The following CCDC192 variants were observed in gnomAD, a reference collection of about 807,000 sequenced individuals.
CCDC192 encodes the protein coiled-coil domain-containing protein 192.
At chr5:127,744,190 C>A (rs1753608123) in intron 2 of CCDC192, among the ~76,000 whole-genome samples, 1 of 150,344 alleles carries the variant, frequency 6.7e-6, no homozygotes, top group South Asian at 2.1e-4. Flanking sequence ...GATGTGAATT[C>A]TGATCATGAA....
At chr5:127,751,627 C>T (rs1055781244) in intron 2 of CCDC192, among the ~76,000 whole-genome samples, 9 of 152,060 alleles carry the variant, frequency 5.9e-5, no homozygotes, top group Non-Finnish European at 5.9e-5. Context: ...ATCTTTGTGG[C>T]GTTCTCTATA....
At chr5:127,874,635 T>G (rs998470842) in intron 5 of CCDC192, among the ~76,000 whole-genome samples, 2 of 152,190 alleles carry the variant, frequency 1.3e-5, no homozygotes, top group Admixed American at 1.3e-4. Flanking sequence ...ATCTCAAGAT[T>G]TATGTCTGAT....
chr5:127,885,294 C>T (rs1272626983), intron 6 of CCDC192, among the ~76,000 whole-genome samples: 1 of 152,154 alleles, frequency 6.6e-6, no homozygotes, highest in African/African-American at 2.4e-5. Flanking sequence ...GGGAATGCTG[C>T]TAAATAGCTC....
intron 5 of CCDC192, among the ~76,000 whole-genome samples, chr5:127,844,426 A>C (rs1191402373): frequency 1.3e-5 from 2 of 152,212 alleles, no homozygotes; most frequent in Non-Finnish European, 2.9e-5. Context: ...AAAGACTACA[A>C]AGCCAACCAT....
At chr5:127,778,072 A>G (rs1755973476) in intron 3 of CCDC192, among the ~76,000 whole-genome samples, 1 of 152,152 alleles carries the variant, frequency 6.6e-6, no homozygotes. Flanking sequence ...ATTTTCAAAT[A>G]CAGATAGGTG....
chr5:127,708,772 T>G (rs1304978584), intron 2 of CCDC192, among the ~76,000 whole-genome samples: 3 of 152,148 alleles, frequency 2.0e-5, no homozygotes, highest in Non-Finnish European at 2.9e-5. Context: ...GGAGCATGGT[T>G]ATTCGGAATT....
chr5:127,866,123 T>A (rs963401832), intron 5 of CCDC192, among the ~76,000 whole-genome samples: 8 of 152,048 alleles, frequency 5.3e-5, no homozygotes, highest in African/African-American at 1.9e-4. Context: ...CCATTTAGCA[T>A]CAGTTCTGCA....
chr5:127,877,165 G>A (rs1276602343), intron 6 of CCDC192, among the ~76,000 whole-genome samples: 4 of 151,996 alleles, frequency 2.6e-5, no homozygotes, highest in African/African-American at 9.7e-5. Context: ...ATAATCGCAA[G>A]GTCTCTAATT....
intron 5 of CCDC192, among the ~76,000 whole-genome samples, chr5:127,809,235 A>G (rs1315537658): frequency 1.3e-5 from 2 of 152,156 alleles, no homozygotes; most frequent in Non-Finnish European, 2.9e-5. Context: ...AATGTGTGAA[A>G]TAGTTGTATT....
At chr5:127,870,519 T>C (rs1431531789) in intron 5 of CCDC192, among the ~76,000 whole-genome samples, 1 of 152,254 alleles carries the variant, frequency 6.6e-6, no homozygotes, top group African/African-American at 2.4e-5. Context: ...CATTTAGCTG[T>C]CTACTCACTA....
At chr5:127,709,040 T>G (rs917300821) in intron 2 of CCDC192, among the ~76,000 whole-genome samples, 1 of 150,842 alleles carries the variant, frequency 6.6e-6, no homozygotes, top group African/African-American at 2.4e-5. Context: ...TGGGGAGGCC[T>G]TAGGAAGGTT....
Position 127,719,554 on chromosome 5 carries a change from T to TACACACAC in CCDC192, c.114+11795_114+11796insCACACACA, listed in dbSNP as rs1561445073. Among the ~76,000 whole-genome samples, 58 of 36,510 alleles carry TACACACAC rather than the reference T, an allele frequency of 1.6e-3. 1 individual carries two copies. Among genetic ancestry groups the TACACACAC allele is most frequent in the African/African-American group, 3.6e-3 (33 of 9,122 alleles). The allele number at this position is 36,510 out of a possible 152,430, so 24.0% of individuals were successfully genotyped here. On this transcript the variant is annotated intron_variant, in intron 2 of 6. Coordinates refer to ENST00000514853, the MANE Select transcript of CCDC192 (RefSeq NM_001317938.2). ...ACATACATATATATATATATATATA[T>TACACACAC]ATATACACACATACATATATATATA...
intron 5 of CCDC192, among the ~76,000 whole-genome samples, chr5:127,823,801 A>G (rs1326554450): frequency 6.6e-6 from 1 of 152,190 alleles, no homozygotes; most frequent in Non-Finnish European, 1.5e-5. Flanking sequence ...CGTGTTTCAG[A>G]AGTGTTATTA....
At chr5:127,882,582 A>G (rs554265108) in intron 6 of CCDC192, among the ~76,000 whole-genome samples, 1 of 152,200 alleles carries the variant, frequency 6.6e-6, no homozygotes, top group Non-Finnish European at 1.5e-5. Flanking sequence ...TACACTTTAA[A>G]ACGGTTAACG....
chr5:127,816,206 A>G (rs1183455575), intron 5 of CCDC192, among the ~76,000 whole-genome samples: 1 of 152,194 alleles, frequency 6.6e-6, no homozygotes, highest in Non-Finnish European at 1.5e-5. Flanking sequence ...GTGGATAAAT[A>G]TTTTATAATT....
chr5:127,914,980 T>C (rs2681507), intron 6 of CCDC192, among the ~76,000 whole-genome samples: 6,220 of 152,284 alleles, frequency 0.041, 399 homozygotes, highest in African/African-American at 0.14. Flanking sequence ...ATAGGACTTA[T>C]GTGTCATTCA....
At chr5:127,818,665 C>G (rs995773767) in intron 5 of CCDC192, among the ~76,000 whole-genome samples, 2 of 152,070 alleles carry the variant, frequency 1.3e-5, no homozygotes, top group Non-Finnish European at 2.9e-5. Flanking sequence ...AAGAAGCCAT[C>G]AGGTATGCCA....
intron 2 of CCDC192, among the ~76,000 whole-genome samples, chr5:127,724,726 G>A (rs888623931): frequency 6.6e-6 from 1 of 151,880 alleles, no homozygotes; most frequent in Non-Finnish European, 1.5e-5. Flanking sequence ...GCACGCGCCT[G>A]TAGTCCCAGC....
chr5:127,792,747 G>A (rs1039913677), intron 3 of CCDC192, among the ~76,000 whole-genome samples: 1 of 151,132 alleles, frequency 6.6e-6, no homozygotes, highest in African/African-American at 2.4e-5. Context: ...AGGAAAAGGA[G>A]AAGGAGAAAG....
Sources: allele counts gnomAD v4.1 joint callset (sites outside exome capture counted in the v4.1 genomes callset), GRCh38; gene constraint gnomAD v4.1.1; transcripts MANE v1.5; gene names NCBI Gene and HGNC (gene_info 2026-07-23, HGNC 2026-07-21).